Variants in FAM124A observed in about 807,000 individuals in gnomAD.
The protein encoded by FAM124A is protein FAM124A.
Under a neutral mutation model 24.5 loss-of-function variants are expected in FAM124A, and 23 were observed. That is an observed-to-expected ratio of 0.94 (90% confidence interval 0.68 to 1.33). The LOEUF (loss-of-function observed/expected upper bound fraction) is 1.33. FAM124A is among the 40% of genes most tolerant of loss of function. FAM124A has a pLI of 0.00. For missense variants in FAM124A, 623 were observed against 722.8 expected, an observed-to-expected ratio of 0.86 and a Z score of 1.58; for synonymous variants, 287 against 314.7, an observed-to-expected ratio of 0.91 and a Z score of 0.93.
intron 2 of FAM124A, among the ~76,000 whole-genome samples, chr13:51,239,766 A>G (rs1954472136): frequency 1.3e-5 from 2 of 152,240 alleles, no homozygotes; most frequent in Admixed American, 1.3e-4. Flanking sequence ...TCCCACAGAC[A>G]TGGATGAGAG....
intron 3 of FAM124A, among the ~76,000 whole-genome samples, chr13:51,265,855 T>C (rs577184685): frequency 6.6e-6 from 1 of 152,334 alleles, no homozygotes; most frequent in Admixed American, 6.5e-5. Flanking sequence ...TTCAAGATGC[T>C]TGATTGGTTG....
chr13:51,239,225 A>G (rs1954466819), intron 2 of FAM124A, among the ~76,000 whole-genome samples: 1 of 152,208 alleles, frequency 6.6e-6, no homozygotes, highest in Non-Finnish European at 1.5e-5. Flanking sequence ...TTGCTACCCA[A>G]ATAATACATA....
intron 2 of FAM124A, among the ~76,000 whole-genome samples, chr13:51,239,116 T>C (rs1954465656): frequency 6.6e-6 from 1 of 152,242 alleles, no homozygotes; most frequent in Admixed American, 6.5e-5. Flanking sequence ...TCTACCAGAA[T>C]CATCAGGATT....
At position 51,222,576 on chromosome 13, in the gene FAM124A, C is replaced by A. The variant is rs1480217822; in HGVS notation, c.68+7C>A. 6.5e-6 allele frequency: 8 copies of A among 1,223,952 alleles called. No homozygotes were observed. Among genetic ancestry groups the A allele is most frequent in the Non-Finnish European group, 8.1e-6 (8 of 984,250 alleles). The allele number at this position is 1,223,952 out of a possible 1,614,324, so 75.8% of individuals were successfully genotyped here. ...CGGGCGCCGAGACCGGAGGGTGAGC[C>A]GCGCCGGGCCGGGCCGCGGGCGGGG... On this transcript the variant is annotated splice_region_variant and intron_variant, in intron 1 of 3. Coordinates refer to ENST00000322475, the MANE Select transcript of FAM124A (RefSeq NM_001242312.2).
intron 3 of FAM124A, among the ~76,000 whole-genome samples, chr13:51,264,497 A>G (rs1027196251): frequency 6.6e-6 from 1 of 152,108 alleles, no homozygotes; most frequent in Non-Finnish European, 1.5e-5. Flanking sequence ...AGTGGCATAC[A>G]CCTGTAGTCC....
At chr13:51,250,198 T>C (rs904784828) in intron 2 of FAM124A, among the ~76,000 whole-genome samples, 1 of 152,020 alleles carries the variant, frequency 6.6e-6, no homozygotes, top group African/African-American at 2.4e-5. Context: ...AAAAAAATTT[T>C]CATCCTGTGA....
At position 51,240,650 on chromosome 13, in the gene FAM124A, C is replaced by T. The variant is rs114254801; in HGVS notation, c.100+9271C>T. ...GCTCGCCATCTGTTAGATTATAACA[C>T]GTTCTGCTCTTCATTGAGAACTCCT... On this transcript the variant is annotated intron_variant, in intron 2 of 3. Transcript: ENST00000322475. Among the ~76,000 whole-genome samples the T allele has an allele frequency of 4.6e-3, 704 of 152,324 alleles. 7 individuals carry two copies. The highest frequency in any genetic ancestry group is 0.015 in the African/African-American group (642 of 41,574).
chr13:51,222,488 C>T lies in FAM124A; in HGVS notation c.-14C>T, dbSNP rs1427093945. On this transcript the variant is annotated 5_prime_UTR_variant, in exon 1 of 4. Coordinates refer to ENST00000322475, the MANE Select transcript of FAM124A (RefSeq NM_001242312.2). ...GACGGCGCCCGCAAGCCGAGCGCGG[C>T]CGGGACGTGCACCATGGACCCAAAG... 3 of 1,219,172 alleles carry T rather than the reference C, an allele frequency of 2.5e-6. No individual in the cohort carries two copies. The highest frequency in any genetic ancestry group is 3.1e-6 in the Non-Finnish European group (3 of 981,028). 75.5% of individuals were successfully genotyped at this position (1,219,172 alleles called of 1,614,324 possible).
chr13:51,280,384 CTG>C (rs1182017201), intron 3 of FAM124A, 64 bp from the exon 4 acceptor site: 1 of 1,385,548 alleles, frequency 7.2e-7, no homozygotes, highest in African/African-American at 1.4e-5. Context: ...TGATTGGTAA[CTG>C]TGTTTCCTGA....
At chr13:51,260,709 T>C (rs1051999999) in intron 3 of FAM124A, among the ~76,000 whole-genome samples, 2 of 152,174 alleles carry the variant, frequency 1.3e-5, no homozygotes, top group African/African-American at 4.8e-5. Flanking sequence ...AGCCAACTCA[T>C]GGACCCAGTA....
rs200244881 is a variant in FAM124A, at chr13:51,280,599, G to A, written c.984G>A (p.Pro328=). ...AGTCCCCGCTCAACAGTCCTCACCCGGGGCCCATCCGGACAGGCCTGCCTC... is the reference window on the plus strand; with the variant it reads ...AGTCCCCGCTCAACAGTCCTCACCCAGGGCCCATCCGGACAGGCCTGCCTC... ...SQQSPLNSPH[P]GPIRTGLPPG... Residue 328 remains proline, a synonymous_variant, in exon 4 of 4, where the codon CCG becomes CCA. Transcript: ENST00000322475. 9.2e-5 allele frequency: 149 copies of A among 1,613,952 alleles called. No individual in the cohort carries two copies. Among genetic ancestry groups the A allele is most frequent in the East Asian group, 2.5e-4 (11 of 44,876 alleles).
At position 51,232,408 on chromosome 13, in the gene FAM124A, C is replaced by A. The variant is rs1235088507; in HGVS notation, c.100+1029C>A. ...CCCTATCTCACTAGCCTGTTAAACT[C>A]TGAATTCTAAATAGTTCCCAAATGG... is the stretch of plus-strand genomic sequence containing the variant. On this transcript the variant is annotated intron_variant, in intron 2 of 3. Transcript: ENST00000322475. Among the ~76,000 whole-genome samples the A allele has an allele frequency of 2.6e-5, 4 of 152,180 alleles. No individual in the cohort carries two copies. In the East Asian group the frequency reaches 7.7e-4, roughly 29 times the overall value.
At chr13:51,238,315 C>G (rs1247444634) in intron 2 of FAM124A, among the ~76,000 whole-genome samples, 1 of 152,184 alleles carries the variant, frequency 6.6e-6, no homozygotes, top group Non-Finnish European at 1.5e-5. Flanking sequence ...TGCAGAATCC[C>G]AGGCCTCCTG....
intron 2 of FAM124A, among the ~76,000 whole-genome samples, chr13:51,233,015 G>T (rs947903249): frequency 6.6e-6 from 1 of 152,126 alleles, no homozygotes; most frequent in Non-Finnish European, 1.5e-5. Flanking sequence ...TAAATGTTTG[G>T]TGGTTCCTGC....
chr13:51,234,046 AT>A (rs949560723), intron 2 of FAM124A, among the ~76,000 whole-genome samples: 2 of 152,030 alleles, frequency 1.3e-5, no homozygotes, highest in African/African-American at 4.8e-5. Context: ...CCTGCATCTC[AT>A]TGTCATTCTG....
chr13:51,274,180 C>A (rs1005765469), intron 3 of FAM124A, among the ~76,000 whole-genome samples: 2 of 152,102 alleles, frequency 1.3e-5, no homozygotes, highest in Non-Finnish European at 2.9e-5. Flanking sequence ...TCTAGGTGCC[C>A]AGCCCTTTTC....
chr13:51,269,871 T>C (rs1308389161), intron 3 of FAM124A, among the ~76,000 whole-genome samples: 2 of 152,220 alleles, frequency 1.3e-5, no homozygotes, highest in Non-Finnish European at 2.9e-5. Context: ...TCCAGAATTT[T>C]ATCTGATTAT....
At chr13:51,231,406 C>A in intron 2 of FAM124A, 27 bp downstream of exon 2, 1 of 1,613,406 alleles carries the variant, frequency 6.2e-7, no homozygotes. Context: ...CATCCTTCAG[C>A]ATTGTCTAAC....
rs751765501 is a variant in FAM124A, at chr13:51,284,027, A to G, written c.*2771A>G. 3 of 152,190 alleles carry G rather than the reference A, an allele frequency of 2.0e-5. No homozygotes were observed. The highest frequency in any genetic ancestry group is 6.3e-3 in the Middle Eastern group (2 of 316). 9.4% of individuals were successfully genotyped at this position (152,190 alleles called of 1,614,324 possible). ...AGCAGGGAGAGGATGCCCACTGTAG[A>G]CCACATGGAAATGGCAGTCCCTCCA... is the stretch of plus-strand genomic sequence containing the variant. On this transcript the variant is annotated 3_prime_UTR_variant, in exon 4 of 4. Coordinates refer to ENST00000322475, the MANE Select transcript of FAM124A (RefSeq NM_001242312.2).
Sources: allele counts gnomAD v4.1 joint callset (sites outside exome capture counted in the v4.1 genomes callset), GRCh38; gene constraint gnomAD v4.1.1; transcripts MANE v1.5; gene names NCBI Gene and HGNC (gene_info 2026-07-23, HGNC 2026-07-21).